LRRC59: variants seen among roughly 807,000 people sequenced by gnomAD.
The protein encoded by LRRC59 is leucine-rich repeat-containing protein 59.
Under a neutral mutation model 33.5 loss-of-function variants are expected in LRRC59, and 18 were observed. The observed-to-expected ratio is 0.54, with a 90% CI of 0.37 to 0.80. The LOEUF is 0.80. LRRC59 is among the 30% of genes least tolerant of loss of function. LRRC59 has a pLI of 0.00. For synonymous variants in LRRC59, 138 were observed against 160.0 expected, an observed-to-expected ratio of 0.86 and a Z score of 1.04; for missense variants, 330 against 391.9, an observed-to-expected ratio of 0.84 and a Z score of 1.33.
Position 50,381,938 on chromosome 17 carries a change from CTCAG to C in LRRC59, c.*1046_*1049del, listed in dbSNP as rs1913861011. 1 of 152,590 alleles carries C rather than the reference CTCAG, an allele frequency of 6.6e-6. No homozygotes were observed. The highest frequency in any genetic ancestry group is 1.5e-5 in the Non-Finnish European group (1 of 68,020). The allele number at this position is 152,590 out of a possible 1,614,324, so 9.5% of individuals were successfully genotyped here. On this transcript the variant is annotated 3_prime_UTR_variant, in exon 7 of 7. Transcript: ENST00000225972. Reference sequence around the variant, plus strand: ...GGTCTAGAATCAAACAATTCTAAACCTCAGTGTCTTATGAAGCTGACACTTCAAA... The same window carrying C: ...GGTCTAGAATCAAACAATTCTAAACCTGTCTTATGAAGCTGACACTTCAAA...
At position 50,382,791 on chromosome 17, in the gene LRRC59, C is replaced by CCA; in HGVS notation, c.*196_*197insTG. 4.4e-6 allele frequency: 3 copies of CCA among 680,504 alleles called. No homozygotes were observed. Among genetic ancestry groups the CCA allele is most frequent in the Admixed American group, 3.3e-5 (1 of 29,990 alleles). The allele number at this position is 680,504 out of a possible 1,614,324, so 42.2% of individuals were successfully genotyped here. Reference sequence around the variant, plus strand: ...CCCCCCACGCCCCCCCGCCACCTCCCATTTCTCCTCATTCCTTCAGGGAAC... The same window carrying CCA: ...CCCCCCACGCCCCCCCGCCACCTCCCCAATTTCTCCTCATTCCTTCAGGGAAC... On this transcript the variant is annotated 3_prime_UTR_variant, in exon 7 of 7. Coordinates refer to ENST00000225972, the MANE Select transcript of LRRC59 (RefSeq NM_018509.4).
intron 4 of LRRC59, among the ~76,000 whole-genome samples, chr17:50,389,395 C>T (rs2143363979): frequency 6.6e-6 from 1 of 152,280 alleles, no homozygotes; most frequent in African/African-American, 2.4e-5. Flanking sequence ...CTGACTACCC[C>T]TTATTGTATA....
intron 4 of LRRC59, 126 bp downstream of exon 4, chr17:50,392,272 A>G: frequency 1.4e-6 from 1 of 690,264 alleles, no homozygotes. Flanking sequence ...CATAGTGGAC[A>G]TATTTCACTC....
chr17:50,382,791 CAT>C lies in LRRC59; in HGVS notation c.*195_*196del. 1.5e-6 allele frequency: 1 copy of C among 680,508 alleles called. No homozygotes were observed. The highest frequency in any genetic ancestry group is 2.0e-5 in the South Asian group (1 of 48,974). The allele number at this position is 680,508 out of a possible 1,614,324, so 42.2% of individuals were successfully genotyped here. A position where few individuals can be genotyped will look rare whatever the true frequency, so the allele number is the denominator to read the frequency against. On this transcript the variant is annotated 3_prime_UTR_variant, in exon 7 of 7. Coordinates refer to ENST00000225972, the MANE Select transcript of LRRC59 (RefSeq NM_018509.4). ...CCCCCCACGCCCCCCCGCCACCTCC[CAT>C]TTCTCCTCATTCCTTCAGGGAACCC...
chr17:50,390,930 CA>C (rs960746135), intron 4 of LRRC59, among the ~76,000 whole-genome samples: 6 of 152,214 alleles, frequency 3.9e-5, no homozygotes, highest in Non-Finnish European at 7.3e-5. Flanking sequence ...CCTTTGTACT[CA>C]ATCAAAATTA....
At chr17:50,388,033 A>G in intron 5 of LRRC59, 27 bp downstream of exon 5, 1 of 1,612,248 alleles carries the variant, frequency 6.2e-7, no homozygotes. Flanking sequence ...GACCTGAAAG[A>G]TAACTACAAG....
intron 6 of LRRC59, among the ~76,000 whole-genome samples, chr17:50,384,643 T>C (rs1913956106): frequency 6.6e-6 from 1 of 151,846 alleles, no homozygotes; most frequent in African/African-American, 2.4e-5. Flanking sequence ...CACATGCCTG[T>C]AATCCCAGCT....
intron 5 of LRRC59, among the ~76,000 whole-genome samples, chr17:50,387,072 C>T (rs959433264): frequency 3.3e-5 from 5 of 151,866 alleles, no homozygotes; most frequent in South Asian, 2.1e-4. Context: ...GAGCCGAGAT[C>T]GTGCCACCGC....
rs1473658817 is a variant in LRRC59, at chr17:50,385,169, C to T, written c.625G>A (p.Ala209Thr). The T allele has an allele frequency of 6.2e-7, 1 of 1,614,190 alleles. No homozygotes were observed. Among genetic ancestry groups the T allele is most frequent in the South Asian group, 1.1e-5 (1 of 91,084 alleles). The change falls in exon 6 of 7, where the codon GCC (alanine) becomes ACC (threonine). Residue 209 changes from alanine (A) to threonine (T), a missense_variant. Physicochemically the swap from Ala to Thr is moderately conservative, Grantham distance 58 (BLOSUM62 0). Transcript: ENST00000225972. ...GGTTTCTTCTCCTGCTCCCGCTTGG[C>T]TGCTTTGAGGGCATCATACTCCTTT... ...RRKEYDALKA[A>T]KREQEKKPKK...
intron 1 of LRRC59, chr17:50,396,390 G>C (rs1370283689): frequency 6.6e-6 from 1 of 152,280 alleles, no homozygotes; most frequent in African/African-American, 2.4e-5. Flanking sequence ...GGAGGAGCTA[G>C]GAACCCGGTT....
At chr17:50,383,340 T>A in intron 6 of LRRC59, 105 bp from the exon 7 acceptor site, 1 of 1,394,688 alleles carries the variant, frequency 7.2e-7, no homozygotes, top group East Asian at 2.5e-5. Flanking sequence ...CATTCCTTCC[T>A]CAAGCAAAAA....
intron 4 of LRRC59, 35 bp downstream of exon 4, chr17:50,392,363 T>C (rs757509): frequency 0.63 from 966,724 of 1,546,326 alleles, 308,609 homozygotes; most frequent in Non-Finnish European, 0.66. Context: ...CCAGGGAGTG[T>C]ATAAGGAGCC....
At chr17:50,396,390 G>A (rs1370283689) in intron 1 of LRRC59, 1 of 152,280 alleles carries the variant, frequency 6.6e-6, no homozygotes, top group African/African-American at 2.4e-5. Context: ...GGAGGAGCTA[G>A]GAACCCGGTT....
chr17:50,397,155 ACGTAGGGGCCAG>A (rs747171076), intron 1 of LRRC59, 46 bp downstream of exon 1: 1 of 1,296,564 alleles, frequency 7.7e-7, no homozygotes, highest in South Asian at 1.4e-5. Flanking sequence ...TAAGTGGCCC[ACGTAGGGGCCAG>A]CGCCCGGCGA....
chr17:50,387,108 ACT>A (rs899263813), intron 5 of LRRC59, among the ~76,000 whole-genome samples: 7 of 142,780 alleles, frequency 4.9e-5, no homozygotes, highest in African/African-American at 1.8e-4. Context: ...ACAGAGCGAG[ACT>A]CTGTCTCAAA....
intron 1 of LRRC59, among the ~76,000 whole-genome samples, 182 bp from the exon 2 acceptor site, chr17:50,395,170 G>A (rs542107942): frequency 6.6e-6 from 1 of 152,240 alleles, no homozygotes; most frequent in Non-Finnish European, 1.5e-5. Context: ...ATGATCTAAG[G>A]AAGAATGCAA....
intron 6 of LRRC59, 59 bp from the exon 7 acceptor site, chr17:50,383,294 T>C (rs2143350901): frequency 1.3e-6 from 2 of 1,514,414 alleles, no homozygotes; most frequent in Non-Finnish European, 1.8e-6. Flanking sequence ...TGCTCTATAC[T>C]AATCTCTGCT....
chr17:50,392,505 A>G lies in LRRC59; in HGVS notation c.325-3T>C. On this transcript the variant is annotated splice_polypyrimidine_tract_variant and splice_region_variant and intron_variant, in intron 3 of 6. Transcript: ENST00000225972. ...TTCAGGTCCAACCACTTCAGGTTCT[A>G]AAGAGATGGGCGATGGGCAAAGAGG... 1 of 1,611,836 alleles carries G rather than the reference A, an allele frequency of 6.2e-7. No homozygotes were observed.
rs1914054360 is a variant in LRRC59 at position 50,388,087 on chromosome 17, T to TCTCCCG, written c.469_474dup (p.Glu158_Arg159dup). 1.9e-6 allele frequency: 3 copies of TCTCCCG among 1,614,152 alleles called. No homozygotes were observed. Among genetic ancestry groups the TCTCCCG allele is most frequent in the Non-Finnish European group, 2.5e-6 (3 of 1,180,034 alleles). ...CGTTCTACTTCCAGCCGCCGCTGCC[T>TCTCCCG]CTCCCGCTCCTGATCTGCCTGCACG... On this transcript the variant is annotated inframe_insertion, in exon 5 of 7. Coordinates refer to ENST00000225972, the MANE Select transcript of LRRC59 (RefSeq NM_018509.4).
Sources: gnomAD v4.1 joint callset for allele counts (sites outside exome capture counted in the v4.1 genomes callset) on GRCh38, gnomAD v4.1.1 for gene constraint, MANE v1.5 for transcripts, NCBI Gene and HGNC (gene_info 2026-07-23, HGNC 2026-07-21) for gene names.